TBCK: variants seen among roughly 807,000 people sequenced by gnomAD.
TBCK encodes TBC1 domain containing kinase, also known as TBC domain-containing protein kinase-like protein.
Under a neutral mutation model 113.4 loss-of-function variants are expected in TBCK, and 99 were observed. The observed-to-expected ratio is 0.87, with a 90% CI of 0.74 to 1.03. The LOEUF is 1.03. TBCK is among the 50% of genes least tolerant of loss of function. The pLI is 0.00. For missense variants in TBCK, 1,045 were observed against 1,061.3 expected (o/e 0.98, Z 0.21); for synonymous variants, 369 against 370.8 (o/e 1.00, Z 0.05).
intron 20 of TBCK, among the ~76,000 whole-genome samples, chr4:106,196,374 T>G (rs1364000252): frequency 6.6e-6 from 1 of 151,922 alleles, no homozygotes; most frequent in East Asian, 1.9e-4. Context: ...TTTCACTTTA[T>G]GAGTTAATAC....
intron 24 of TBCK, among the ~76,000 whole-genome samples, chr4:106,115,921 A>G (rs1474329266): frequency 3.3e-5 from 5 of 152,222 alleles, no homozygotes; most frequent in African/African-American, 1.2e-4. Flanking sequence ...GAAGGATTCA[A>G]ATGCCTTCAA....
intron 23 of TBCK, among the ~76,000 whole-genome samples, chr4:106,125,001 A>C (rs934958768): frequency 4.3e-4 from 45 of 104,380 alleles, no homozygotes; most frequent in African/African-American, 1.4e-3. Context: ...TAAAGTATAA[A>C]AAAAAAAAAA....
intron 25 of TBCK, among the ~76,000 whole-genome samples, chr4:106,054,551 T>C (rs1318959570): frequency 4.6e-5 from 7 of 151,692 alleles, no homozygotes; most frequent in Non-Finnish European, 1.0e-4. Flanking sequence ...TATATATATG[T>C]ATGTATGTTT....
intron 22 of TBCK, among the ~76,000 whole-genome samples, chr4:106,193,373 G>A (rs960213458): frequency 3.9e-5 from 6 of 152,074 alleles, no homozygotes; most frequent in Admixed American, 6.5e-5. Context: ...TACCCATTTA[G>A]TAGCATTACC....
chr4:106,177,311 T>C (rs980496717), intron 22 of TBCK, among the ~76,000 whole-genome samples: 11 of 152,014 alleles, frequency 7.2e-5, no homozygotes, highest in African/African-American at 2.7e-4. Context: ...CTGTTGATTG[T>C]TTCCTTTGCT....
At position 106,200,408 on chromosome 4, in the gene TBCK, C is replaced by T. The variant is rs144161088; in HGVS notation, c.1861-5654G>A. Among the ~76,000 whole-genome samples, 253 of 152,102 alleles carry T rather than the reference C, an allele frequency of 1.7e-3. 2 individuals carry two copies. The highest frequency in any genetic ancestry group is 5.7e-3 in the African/African-American group (235 of 41,482). On this transcript the variant is annotated intron_variant, in intron 20 of 25. Coordinates refer to ENST00000394708, the MANE Select transcript of TBCK (RefSeq NM_001163435.3). ...TTTAAAAAGTAGATGGGTCTGGTGG[C>T]GCATGCCTGTGGTCCCAGCTACTTG...
chr4:106,274,931 A>G (rs1209982901), intron 3 of TBCK, among the ~76,000 whole-genome samples: 1 of 152,222 alleles, frequency 6.6e-6, no homozygotes, highest in Non-Finnish European at 1.5e-5. Flanking sequence ...CAGGAATTCA[A>G]GACAAGCCTG....
chr4:106,079,016 C>T (rs1738549010), intron 25 of TBCK, among the ~76,000 whole-genome samples: 1 of 151,950 alleles, frequency 6.6e-6, no homozygotes, highest in South Asian at 2.1e-4. Flanking sequence ...ACTACATAAA[C>T]AAAATTAAAA....
chr4:106,216,012 C>CT (rs1376203962), intron 19 of TBCK, among the ~76,000 whole-genome samples: 3 of 149,278 alleles, frequency 2.0e-5, no homozygotes, highest in African/African-American at 7.3e-5. Context: ...TTATAACAAA[C>CT]TATCTCTCAG....
chr4:106,062,873 A>G (rs573041855), intron 25 of TBCK, among the ~76,000 whole-genome samples: 2 of 151,912 alleles, frequency 1.3e-5, no homozygotes, highest in African/African-American at 4.8e-5. Context: ...TTTACCATAT[A>G]ATATTTCTAG....
intron 23 of TBCK, among the ~76,000 whole-genome samples, chr4:106,165,520 A>G (rs1194508593): frequency 6.6e-6 from 1 of 151,782 alleles, no homozygotes; most frequent in Non-Finnish European, 1.5e-5. Flanking sequence ...GATAGTAATG[A>G]GCTAACATAG....
rs75126341 is a variant in TBCK, at chr4:106,284,140, T to C, written c.266+10954A>G. 2.8e-3 allele frequency among the ~76,000 whole-genome samples: 424 copies of C among 152,264 alleles called. 2 individuals are homozygous for C. Among genetic ancestry groups the C allele is most frequent in the African/African-American group, 9.8e-3 (407 of 41,574 alleles). ...CAGGAAGAGAATTATAGATCAGTTA[T>C]ATAAATCTCTAATTCACATGACTTC... is the stretch of plus-strand genomic sequence containing the variant. On this transcript the variant is annotated intron_variant, in intron 3 of 25. Coordinates refer to ENST00000394708, the MANE Select transcript of TBCK (RefSeq NM_001163435.3).
chr4:106,116,253 T>C lies in TBCK; in HGVS notation c.2361A>G (p.Thr787=), dbSNP rs199845880. ...TGHFKTPSKK[T]KSSKPKLLVV... The stretch of plus-strand genomic sequence containing the variant: ...CCAGGAGCTTTGGTTTACTGGACTT[T>C]GTTTTCTTGCTGGGTGTTTTGAAGT... Residue 787 remains threonine, a synonymous_variant, in exon 24 of 26, where the codon ACA becomes ACG. Transcript: ENST00000394708. 6.2e-7 allele frequency: 1 copy of C among 1,614,162 alleles called. No homozygotes were observed. The highest frequency in any genetic ancestry group is 1.3e-5 in the African/African-American group (1 of 75,038).
intron 19 of TBCK, among the ~76,000 whole-genome samples, chr4:106,228,342 A>AT (rs35435051): frequency 0.61 from 89,511 of 146,016 alleles, 27,397 homozygotes; most frequent in Middle Eastern, 0.66. Flanking sequence ...TCTTTCGGTT[A>AT]TTTTTTTTTT....
In TBCK at chr4:106,251,903, A is replaced by C. The variant is rs1485189927; in HGVS notation, c.560T>G (p.Val187Gly). The change falls in exon 6 of 26, where the codon GTA (valine) becomes GGA (glycine). Residue 187 changes from valine (V) to glycine (G), a missense_variant. By Grantham distance (109) the Val-to-Gly change is moderately radical. Transcript: ENST00000394708. ...KPLPSGPKSD[V>G]WSLGIILFEL... Reference sequence around the variant, plus strand: ...AAATAAAATGATTCCAAGAGACCATACATCTGATTTGGGGCCAGAAGGCAA... The same window carrying C: ...AAATAAAATGATTCCAAGAGACCATCCATCTGATTTGGGGCCAGAAGGCAA... 6.2e-7 allele frequency: 1 copy of C among 1,610,698 alleles called. No individual in the cohort carries two copies. Among genetic ancestry groups the C allele is most frequent in the South Asian group, 1.1e-5 (1 of 90,414 alleles).
At chr4:106,286,503 T>C (rs968522106) in intron 3 of TBCK, among the ~76,000 whole-genome samples, 5 of 152,166 alleles carry the variant, frequency 3.3e-5, no homozygotes, top group African/African-American at 9.7e-5. Flanking sequence ...TATCCTTATA[T>C]AATACAATTC....
At chr4:106,183,036 G>T (rs1037972122) in intron 22 of TBCK, among the ~76,000 whole-genome samples, 1 of 152,130 alleles carries the variant, frequency 6.6e-6, no homozygotes, top group Non-Finnish European at 1.5e-5. Context: ...ACTTAAGAGA[G>T]AATTCTAAAA....
At chr4:106,144,236 G>C (rs972769446) in intron 23 of TBCK, among the ~76,000 whole-genome samples, 4 of 152,168 alleles carry the variant, frequency 2.6e-5, no homozygotes, top group Non-Finnish European at 5.9e-5. Flanking sequence ...CTGTGGGAAA[G>C]GAAATTGATA....
At chr4:106,103,174 A>T (rs1741744357) in intron 24 of TBCK, among the ~76,000 whole-genome samples, 1 of 152,182 alleles carries the variant, frequency 6.6e-6, no homozygotes, top group African/African-American at 2.4e-5. Flanking sequence ...TTCCTCCCTC[A>T]AAGTGTTGCA....
Sources: allele counts gnomAD v4.1 joint callset (sites outside exome capture counted in the v4.1 genomes callset), GRCh38; gene constraint gnomAD v4.1.1; transcripts MANE v1.5; gene names NCBI Gene and HGNC (gene_info 2026-07-23, HGNC 2026-07-21).